Variants in NSUN6 observed in about 807,000 individuals in gnomAD.
NSUN6 encodes the protein NOP2/Sun RNA methyltransferase 6, also known as tRNA (cytosine(72)-C(5))-methyltransferase NSUN6.
In NSUN6, 64 loss-of-function variants were observed where a neutral mutation model predicts 58.0. That is an observed-to-expected ratio of 1.10 (90% CI 0.90 to 1.36). The LOEUF (loss-of-function observed/expected upper bound fraction) is 1.36. Among genes scored for constraint, NSUN6 ranks in the 40% most tolerant of loss-of-function variants. The probability of loss-of-function intolerance (pLI) is 0.00; values close to 1 mark genes in which losing one functional copy is unlikely to be tolerated. For synonymous variants in NSUN6, 231 were observed against 193.9 expected (o/e 1.19, Z -1.59); for missense variants, 701 against 550.1 (o/e 1.27, Z -2.74).
At chr10:18,560,584 T>C (rs2055416947) in intron 8 of NSUN6, among the ~76,000 whole-genome samples, 1 of 145,930 alleles carries the variant, frequency 6.9e-6, no homozygotes, top group African/African-American at 2.5e-5. Flanking sequence ...GAGGATGGTA[T>C]GGAGAATGGA....
intron 3 of NSUN6, among the ~76,000 whole-genome samples, chr10:18,620,146 T>G (rs1208568651): frequency 6.6e-6 from 1 of 151,824 alleles, no homozygotes; most frequent in Non-Finnish European, 1.5e-5. Flanking sequence ...GGAGTGCAGT[T>G]GCGCCATCTT....
At chr10:18,640,162 T>C (rs572217231) in intron 3 of NSUN6, among the ~76,000 whole-genome samples, 15 of 152,286 alleles carry the variant, frequency 9.8e-5, no homozygotes, top group African/African-American at 3.6e-4. Flanking sequence ...CAAAAGCAAA[T>C]TGCAGAACAT....
rs1237931989 is a variant in NSUN6, at chr10:18,557,819, T to C, written c.923-5848A>G. Among the ~76,000 whole-genome samples, 4 of 144,530 alleles carry C rather than the reference T, an allele frequency of 2.8e-5. No individual in the cohort carries two copies. The Admixed American group carries it at 2.8e-4, about 10-fold the overall frequency. The allele number at this position is 144,530 out of a possible 152,430, so 94.8% of individuals were successfully genotyped here. A position where few individuals can be genotyped will look rare whatever the true frequency, so the allele number is the denominator to read the frequency against. ...TGGAAGGGAATGGAATGGAAAATGG[T>C]ATGGAATGGAGGATTAAATAGAATG... is the stretch of plus-strand genomic sequence containing the variant. On this transcript the variant is annotated intron_variant, in intron 8 of 10. Coordinates refer to ENST00000377304, the MANE Select transcript of NSUN6 (RefSeq NM_182543.5).
rs564836754 is a variant in NSUN6, at chr10:18,545,834, C to T, written c.*99G>A. 7.1e-5 allele frequency: 51 copies of T among 723,124 alleles called. No individual in the cohort carries two copies. The African/African-American group carries it at 9.0e-4, about 13-fold the overall frequency. 44.8% of individuals were successfully genotyped at this position (723,124 alleles called of 1,614,324 possible). On this transcript the variant is annotated 3_prime_UTR_variant, in exon 11 of 11. Transcript: ENST00000377304. ...GCCTTTTCTGTTTCCATAGCAACCA[C>T]ATCATCATTCAGTTGGCCTGACAAC...
At chr10:18,641,989 T>C (rs7081977) in intron 3 of NSUN6, among the ~76,000 whole-genome samples, 53,039 of 151,896 alleles carry the variant, frequency 0.35, 9,822 homozygotes, top group East Asian at 0.73. Context: ...ATTGCCTGAG[T>C]CCAGAAGTTC....
intron 8 of NSUN6, among the ~76,000 whole-genome samples, chr10:18,556,860 G>T (rs994833407): frequency 2.7e-5 from 4 of 146,396 alleles, no homozygotes; most frequent in Non-Finnish European, 4.5e-5. Context: ...AATGGAGGAA[G>T]GAAGGGAATG....
At chr10:18,586,708 G>C (rs556227798) in intron 7 of NSUN6, among the ~76,000 whole-genome samples, 19 of 152,336 alleles carry the variant, frequency 1.2e-4, no homozygotes, top group Admixed American at 8.5e-4. Flanking sequence ...AAGAGTCAGC[G>C]GCAGCAAGAT....
intron 3 of NSUN6, among the ~76,000 whole-genome samples, chr10:18,631,885 A>G (rs970758153): frequency 7.2e-5 from 11 of 152,258 alleles, no homozygotes; most frequent in African/African-American, 2.7e-4. Flanking sequence ...GACTTTCTTC[A>G]CAGAAGTGGA....
At chr10:18,618,605 C>G (rs918179404) in intron 3 of NSUN6, among the ~76,000 whole-genome samples, 1 of 151,116 alleles carries the variant, frequency 6.6e-6, no homozygotes, top group Non-Finnish European at 1.5e-5. Context: ...TCACTTGAAC[C>G]CAGGAGGTGG....
chr10:18,550,728 CTT>C (rs66875630), intron 9 of NSUN6, among the ~76,000 whole-genome samples: 45,473 of 138,898 alleles, frequency 0.33, 7,209 homozygotes, highest in Admixed American at 0.39. Context: ...CAAAAAATCT[CTT>C]TTTTTTTTTT....
At chr10:18,648,222 A>C (rs2131597485) in intron 2 of NSUN6, among the ~76,000 whole-genome samples, 1 of 152,280 alleles carries the variant, frequency 6.6e-6, no homozygotes, top group Non-Finnish European at 1.5e-5. Flanking sequence ...TTTAATGATG[A>C]AGCTACTAAG....
chr10:18,653,107 T>C (rs2059737240), upstream of NSUN6: 4 of 984,696 alleles, frequency 4.1e-6, no homozygotes, highest in South Asian at 1.9e-4. Flanking sequence ...ATGGTGACCA[T>C]AGCACCACTG....
chr10:18,614,402 T>A (rs2058339106), intron 5 of NSUN6, 58 bp downstream of exon 5: 9 of 1,091,992 alleles, frequency 8.2e-6, no homozygotes, highest in Non-Finnish European at 1.1e-5. Flanking sequence ...ACATTATTTT[T>A]AATTTTCATT....
intron 8 of NSUN6, among the ~76,000 whole-genome samples, chr10:18,570,118 T>A (rs111208117): frequency 4.6e-5 from 7 of 151,008 alleles, no homozygotes; most frequent in Non-Finnish European, 8.9e-5. Flanking sequence ...CCATTCTCCA[T>A]TCTTCATTCC....
intron 2 of NSUN6, among the ~76,000 whole-genome samples, chr10:18,648,107 C>T (rs2059602646): frequency 6.6e-6 from 1 of 152,156 alleles, no homozygotes; most frequent in Non-Finnish European, 1.5e-5. Context: ...CTCCTTACCC[C>T]TGGGCTTATT....
intron 8 of NSUN6, among the ~76,000 whole-genome samples, chr10:18,560,712 A>AGGAAT (rs761414483): frequency 6.8e-6 from 1 of 146,160 alleles, no homozygotes; most frequent in Non-Finnish European, 1.5e-5. Flanking sequence ...GAATGCAATG[A>AGGAAT]GGAATGGAAT....
intron 8 of NSUN6, among the ~76,000 whole-genome samples, chr10:18,581,321 AC>A (rs1272169884): frequency 7.2e-5 from 11 of 152,164 alleles, no homozygotes; most frequent in African/African-American, 2.2e-4. Flanking sequence ...GCTGATAAAA[AC>A]AGTTTGCAAT....
intron 8 of NSUN6, among the ~76,000 whole-genome samples, chr10:18,563,004 AAATGGAGAATGG>A (rs1233705802): frequency 1.4e-4 from 21 of 149,778 alleles, no homozygotes; most frequent in African/African-American, 3.4e-4. Flanking sequence ...AAAATGTAAC[AAATGGAGAATGG>A]AATGGAGAAT....
chr10:18,626,386 A>G (rs2058806789), intron 3 of NSUN6, among the ~76,000 whole-genome samples: 1 of 152,118 alleles, frequency 6.6e-6, no homozygotes, highest in Non-Finnish European at 1.5e-5. Flanking sequence ...AACAAAAATA[A>G]AAAAACAGTA....
Sources: gnomAD v4.1 joint callset for allele counts (sites outside exome capture counted in the v4.1 genomes callset) on GRCh38, gnomAD v4.1.1 for gene constraint, MANE v1.5 for transcripts, NCBI Gene and HGNC (gene_info 2026-07-23, HGNC 2026-07-21) for gene names.